KIF16B: variants seen among roughly 807,000 people sequenced by gnomAD.
KIF16B encodes kinesin-like protein KIF16B.
Under a neutral mutation model 156.3 loss-of-function variants are expected in KIF16B, and 98 were observed. The ratio of observed to expected loss-of-function variants is 0.63; its 90% CI spans 0.53 to 0.74. The LOEUF (loss-of-function observed/expected upper bound fraction) is 0.74, where lower values mean the gene tolerates loss of function less well. Among genes scored for constraint, KIF16B ranks in the 30% least tolerant of loss-of-function variants. The pLI is 0.00. For synonymous variants in KIF16B, 564 were observed against 583.7 expected, an observed-to-expected ratio of 0.97 and a Z score of 0.49; for missense variants, 1,421 against 1,606.5, an observed-to-expected ratio of 0.88 and a Z score of 1.97.
At chr20:16,520,944 T>G (rs1258634167) in intron 3 of KIF16B, among the ~76,000 whole-genome samples, 2 of 152,138 alleles carry the variant, frequency 1.3e-5, no homozygotes, top group Non-Finnish European at 2.9e-5. Context: ...GGGGCCTGAC[T>G]GTTAGAAGGA....
intron 22 of KIF16B, chr20:16,366,844 A>T: frequency 9.2e-7 from 1 of 1,086,608 alleles, no homozygotes; most frequent in Non-Finnish European, 1.1e-6. Flanking sequence ...ACGAAAACAA[A>T]CAATCAGAAA....
chr20:16,546,930 C>T (rs1395769768), intron 1 of KIF16B, among the ~76,000 whole-genome samples: 1 of 152,086 alleles, frequency 6.6e-6, no homozygotes, highest in Admixed American at 6.6e-5. Context: ...ATGCCCACCA[C>T]CAGGCCTGGC....
intron 22 of KIF16B, among the ~76,000 whole-genome samples, chr20:16,357,294 C>A (rs913146318): frequency 6.6e-5 from 10 of 152,160 alleles, no homozygotes; most frequent in African/African-American, 2.2e-4. Flanking sequence ...CATGAATTGG[C>A]TCAATTAATC....
intron 12 of KIF16B, 129 bp from the exon 13 acceptor site, chr20:16,430,111 C>T: frequency 1.0e-6 from 1 of 955,564 alleles, no homozygotes; most frequent in Non-Finnish European, 1.5e-6. Flanking sequence ...GAAAAATGGA[C>T]CTTAAACTTC....
chr20:16,427,481 A>G (rs6080259), intron 14 of KIF16B, among the ~76,000 whole-genome samples: 16,195 of 152,126 alleles, frequency 0.11, 1,213 homozygotes, highest in East Asian at 0.44. Flanking sequence ...TTACCTGTGT[A>G]AGAAAATCAG....
chr20:16,468,248 T>C (rs2067551431), intron 12 of KIF16B, among the ~76,000 whole-genome samples: 1 of 152,126 alleles, frequency 6.6e-6, no homozygotes, highest in African/African-American at 2.4e-5. Context: ...AGAGTAAATG[T>C]CAGAACTTAG....
chr20:16,497,510 T>C, intron 11 of KIF16B, 103 bp downstream of exon 11: 1 of 871,138 alleles, frequency 1.1e-6, no homozygotes, highest in Non-Finnish European at 1.9e-6. Context: ...CTAAGTGCAA[T>C]AAAGAAAAAG....
intron 12 of KIF16B, among the ~76,000 whole-genome samples, chr20:16,462,013 C>T (rs550405265): frequency 6.6e-6 from 1 of 152,294 alleles, no homozygotes; most frequent in African/African-American, 2.4e-5. Context: ...CTTTGGAAGG[C>T]TGAGGCAGGT....
chr20:16,545,917 T>C (rs1035427832), intron 1 of KIF16B, among the ~76,000 whole-genome samples: 1 of 148,734 alleles, frequency 6.7e-6, no homozygotes, highest in African/African-American at 2.4e-5. Context: ...AAAAAAAAAA[T>C]ACAATTTTGG....
At chr20:16,571,272 G>A (rs1365257838) in intron 1 of KIF16B, among the ~76,000 whole-genome samples, 1 of 152,140 alleles carries the variant, frequency 6.6e-6, no homozygotes, top group Non-Finnish European at 1.5e-5. Context: ...TGGTCTTCCT[G>A]TAACTATCCT....
At chr20:16,348,703 C>CA (rs1328703939) in intron 23 of KIF16B, among the ~76,000 whole-genome samples, 4 of 152,092 alleles carry the variant, frequency 2.6e-5, no homozygotes, top group African/African-American at 9.7e-5. Flanking sequence ...GAGGTATAGG[C>CA]AAATCTCATA....
chr20:16,375,601 T>C (rs982381725), intron 19 of KIF16B, among the ~76,000 whole-genome samples: 1 of 103,044 alleles, frequency 9.7e-6, no homozygotes, highest in Non-Finnish European at 2.0e-5. Context: ...AGACAAGACA[T>C]AAGCAAAAAA....
intron 12 of KIF16B, among the ~76,000 whole-genome samples, chr20:16,473,740 A>T (rs2067729321): frequency 6.6e-6 from 1 of 152,192 alleles, no homozygotes; most frequent in Non-Finnish European, 1.5e-5. Context: ...ATCCATTTTG[A>T]ATTCATTCTG....
At chr20:16,529,689 C>T (rs1180253452) in intron 1 of KIF16B, among the ~76,000 whole-genome samples, 2 of 152,282 alleles carry the variant, frequency 1.3e-5, no homozygotes, top group East Asian at 1.9e-4. Flanking sequence ...CGGTGGCTCA[C>T]GCCTGTAATC....
intron 2 of KIF16B, among the ~76,000 whole-genome samples, chr20:16,526,752 C>T (rs2069558699): frequency 6.6e-6 from 1 of 152,188 alleles, no homozygotes. Context: ...TATATCTTGT[C>T]CCCCTTGCTA....
At chr20:16,297,480 C>A (rs1051235592) in intron 25 of KIF16B, among the ~76,000 whole-genome samples, 1 of 152,116 alleles carries the variant, frequency 6.6e-6, no homozygotes, top group Non-Finnish European at 1.5e-5. Context: ...ATCACGAGGT[C>A]AGGAGATCAA....
intron 17 of KIF16B, 48 bp from the exon 18 acceptor site, chr20:16,381,795 A>G (rs1027692784): frequency 6.8e-7 from 1 of 1,462,068 alleles, no homozygotes; most frequent in Admixed American, 1.8e-5. Context: ...GAGCTTTTCT[A>G]TCTCTCTCTC....
intron 3 of KIF16B, among the ~76,000 whole-genome samples, chr20:16,525,863 A>T (rs541062543): frequency 6.2e-4 from 94 of 152,202 alleles, no homozygotes; most frequent in African/African-American, 1.9e-3. Context: ...AATTATCATC[A>T]TTATGCTCAA....
chr20:16,279,111 C>T (rs2063107444), intron 25 of KIF16B, among the ~76,000 whole-genome samples: 1 of 152,298 alleles, frequency 6.6e-6, no homozygotes, highest in South Asian at 2.1e-4. Flanking sequence ...TCTGACTGCC[C>T]TGTACCCATT....
Sources: gnomAD v4.1 joint callset for allele counts (sites outside exome capture counted in the v4.1 genomes callset) on GRCh38, gnomAD v4.1.1 for gene constraint, MANE v1.5 for transcripts, NCBI Gene and HGNC (gene_info 2026-07-23, HGNC 2026-07-21) for gene names.